The following LMNTD2 variants were observed in gnomAD, a reference collection of about 807,000 sequenced individuals.
LMNTD2 encodes the protein lamin tail domain containing 2.
A neutral mutation model predicts 70.1 loss-of-function variants in LMNTD2; 83 were observed. That is an observed-to-expected ratio of 1.18 (90% CI 0.99 to 1.42). The LOEUF (loss-of-function observed/expected upper bound fraction) is 1.42, where lower values mean the gene tolerates loss of function less well. Among genes scored for constraint, LMNTD2 ranks in the 40% most tolerant of loss-of-function variants. LMNTD2 has a pLI of 0.00. For missense variants in LMNTD2, 1,153 were observed against 905.9 expected (o/e 1.27, Z -3.50); for synonymous variants, 534 against 406.1 (o/e 1.31, Z -3.79).
chr11:555,354 G>T lies in LMNTD2; in HGVS notation c.1724C>A (p.Ala575Asp), dbSNP rs377072542. The change falls in exon 13 of 14, where the codon GCC (alanine) becomes GAC (aspartate). Residue 575 changes from alanine to aspartate, a missense_variant. By Grantham distance (126) the Ala-to-Asp change is moderately radical (BLOSUM62 -2). Coordinates refer to ENST00000329451, the MANE Select transcript of LMNTD2 (RefSeq NM_173573.3). ...CCGACAGTCCTCCAGGCCCAGCCCG[G>T]CCTCTGCGGGAGGCGACGGCAGGGT... The part of the protein sequence containing the change: ...DPTLPSPPAE[A>D]GLGLEDCRLQ... 6.3e-6 allele frequency: 9 copies of T among 1,423,454 alleles called. No homozygotes were observed. The highest frequency in any genetic ancestry group is 7.3e-6 in the Non-Finnish European group (8 of 1,091,814). The allele number at this position is 1,423,454 out of a possible 1,614,324, so 88.2% of individuals were successfully genotyped here. A position where few individuals can be genotyped will look rare whatever the true frequency, so the allele number is the denominator to read the frequency against.
At chr11:560,608 C>T (rs1378386587) in intron 1 of LMNTD2, 75 bp downstream of exon 1, 6 of 1,317,582 alleles carry the variant, frequency 4.6e-6, no homozygotes, top group Non-Finnish European at 5.9e-6. Context: ...AAGCCAGAGA[C>T]CCTTCCTGGG....
Position 554,919 on chromosome 11 carries a change from C to G in LMNTD2, c.*61G>C. On this transcript the variant is annotated 3_prime_UTR_variant, in exon 14 of 14. Transcript: ENST00000329451. ...CAATAAATGATGCAGCGGACACAGC[C>G]CGCCCAGCCCCGGCGCCCGCCCGCG... is the stretch of plus-strand genomic sequence containing the variant. 7.9e-7 allele frequency: 1 copy of G among 1,259,920 alleles called. No individual in the cohort carries two copies. The highest frequency in any genetic ancestry group is 1.1e-6 in the Non-Finnish European group (1 of 944,854). 78.0% of individuals were successfully genotyped at this position (1,259,920 alleles called of 1,614,324 possible).
Position 556,053 on chromosome 11 carries a change from G to T in LMNTD2, c.1320C>A (p.Pro440=), listed in dbSNP as rs746186023. Residue 440 remains proline (P), a synonymous_variant, in exon 11 of 14, where the codon CCC becomes CCA. Coordinates refer to ENST00000329451, the MANE Select transcript of LMNTD2 (RefSeq NM_173573.3). ...AGCCGCGGATGGAGAGGAGGGGAAC[G>T]GGCTCCCGGCTCGAGGACGCGCGCA... The part of the protein sequence containing the change: ...KPLRASSSRE[P]VPLLSIRGCA... The T allele has an allele frequency of 6.4e-7, 1 of 1,551,716 alleles. No homozygotes were observed. The highest frequency in any genetic ancestry group is 8.6e-7 in the Non-Finnish European group (1 of 1,159,554).
chr11:556,711 G>C, intron 8 of LMNTD2, 123 bp from the exon 9 acceptor site: 1 of 1,418,092 alleles, frequency 7.1e-7, no homozygotes. Flanking sequence ...GGGTCAGATG[G>C]GGCAGGAAAG....
intron 3 of LMNTD2, 39 bp downstream of exon 3, chr11:558,575 A>G (rs1257694941): frequency 2.1e-6 from 3 of 1,433,766 alleles, no homozygotes; most frequent in Non-Finnish European, 2.8e-6. Context: ...GGGCGAGGAC[A>G]GGGCGGGGTT....
At chr11:557,714 C>T (rs1170696774) in intron 5 of LMNTD2, 74 bp from the exon 6 acceptor site, 11 of 1,607,372 alleles carry the variant, frequency 6.8e-6, no homozygotes, top group Admixed American at 1.7e-5. Flanking sequence ...TTTGACCTCA[C>T]CTGTGCTTTG....
chr11:556,407 CG>C, intron 9 of LMNTD2, 32 bp from the exon 10 acceptor site: 2 of 1,539,698 alleles, frequency 1.3e-6, no homozygotes, highest in Non-Finnish European at 1.7e-6. Flanking sequence ...TGAGGAGATG[CG>C]GCCGGTCCAC....
At chr11:559,241 C>G (rs1426709556) in intron 1 of LMNTD2, 3 of 1,495,168 alleles carry the variant, frequency 2.0e-6, no homozygotes, top group African/African-American at 1.4e-5. Context: ...CGACATGTCC[C>G]TGGCGTGTAC....
rs749469150 is a variant in LMNTD2 at position 557,414 on chromosome 11, G to A, written c.698C>T (p.Pro233Leu). 3.1e-5 allele frequency: 50 copies of A among 1,605,968 alleles called. No individual in the cohort carries two copies. The highest frequency in any genetic ancestry group is 4.2e-5 in the Non-Finnish European group (49 of 1,176,156). Residue 233 changes from proline to leucine, a missense_variant, in exon 7 of 14, where the codon CCC becomes CTC. By Grantham distance (98) the Pro-to-Leu change is moderately conservative. Coordinates refer to ENST00000329451, the MANE Select transcript of LMNTD2 (RefSeq NM_173573.3). ...RYPNLFTNMEPSSKQKQPRPW... is the reference protein window; with the variant it reads ...RYPNLFTNMELSSKQKQPRPW... ...GTGCAGTTACTTTTGCTTTGAGCTG[G>A]GCTCCATGTTGGTGAAGAGGTTGGG...
chr11:560,344 G>C (rs1853196387), intron 1 of LMNTD2: 1 of 1,137,250 alleles, frequency 8.8e-7, no homozygotes, highest in Admixed American at 4.9e-5. Context: ...GGGTCCAAAA[G>C]GGGCAGGAAG....
rs372775395 is a variant in LMNTD2 at position 558,859 on chromosome 11, G to A, written c.155C>T (p.Pro52Leu). ...HPAPVVCSAD[P>L]QLALESLDPR... The stretch of plus-strand genomic sequence containing the variant: ...CAGTCCTCCCTCTCCTCCTTACTGC[G>A]GGTCGGCAGAGCAGACCACCGGTGC... Residue 52 changes from proline to leucine, a missense_variant, in exon 2 of 14, where the codon CCG (proline) becomes CTG (leucine). By Grantham distance (98) the Pro-to-Leu change is moderately conservative. Coordinates refer to ENST00000329451, the MANE Select transcript of LMNTD2 (RefSeq NM_173573.3). 31 of 1,601,348 alleles carry A rather than the reference G, an allele frequency of 1.9e-5. No individual in the cohort carries two copies. The highest frequency in any genetic ancestry group is 1.2e-4 in the African/African-American group (9 of 74,676).
chr11:555,947 T>C lies in LMNTD2; in HGVS notation c.1378-17A>G. 2 of 1,548,810 alleles carry C rather than the reference T, an allele frequency of 1.3e-6. No individual in the cohort carries two copies. Among genetic ancestry groups the C allele is most frequent in the Non-Finnish European group, 1.7e-6 (2 of 1,155,414 alleles). On this transcript the variant is annotated splice_polypyrimidine_tract_variant and intron_variant, in intron 11 of 13. Coordinates refer to ENST00000329451, the MANE Select transcript of LMNTD2 (RefSeq NM_173573.3). ...ACTGAGGACCTGCGGGGCGCGTCGG[T>C]CACCCCCACACCCCAGCCCCGGCCG...
At position 555,742 on chromosome 11, in the gene LMNTD2, C is replaced by T. The variant is rs1200155269; in HGVS notation, c.1566G>A (p.Arg522=). ...GRVREPRVSR[R]RPGTRGLLPP... is the part of the protein sequence containing the mutation. ...GGACCCGCGGTCCCCACCCTGGTCTCCGGCGACTGACCCGGGGCTCCCGCA... is the reference window on the plus strand; with the variant it reads ...GGACCCGCGGTCCCCACCCTGGTCTTCGGCGACTGACCCGGGGCTCCCGCA... Residue 522 remains arginine, a synonymous_variant, in exon 12 of 14, where the codon CGG becomes CGA. Transcript: ENST00000329451. 1 of 1,408,342 alleles carries T rather than the reference C, an allele frequency of 7.1e-7. No individual in the cohort carries two copies. Among genetic ancestry groups the T allele is most frequent in the South Asian group, 1.6e-5 (1 of 64,440 alleles). 87.2% of individuals were successfully genotyped at this position (1,408,342 alleles called of 1,614,324 possible). A position where few individuals can be genotyped will look rare whatever the true frequency, so the allele number is the denominator to read the frequency against.
At chr11:555,206 GGGGAGGGGACGAGGAGACAGAGGGGA>G in intron 13 of LMNTD2, 73 bp downstream of exon 13, 1 of 542,268 alleles carries the variant, frequency 1.8e-6, no homozygotes, top group Non-Finnish European at 2.4e-6. Flanking sequence ...GGAGAGCGGA[GGGGAGGGGACGAGGAGACAGAGGGGA>G]GGGAGGGGCG....
chr11:556,317 T>G lies in LMNTD2; in HGVS notation c.1132A>C (p.Asn378His). 1 of 1,535,726 alleles carries G rather than the reference T, an allele frequency of 6.5e-7. No individual in the cohort carries two copies. The highest frequency in any genetic ancestry group is 8.7e-7 in the Non-Finnish European group (1 of 1,146,664). ...TCGGCCGTGCTCTCCTGCGACGGGT[T>G]GAAGATGCGGACGAACTTCTCCCGG... is the stretch of plus-strand genomic sequence containing the variant. ...SCREKFVRIFNPSQESTADLS... is the reference protein window; with the variant it reads ...SCREKFVRIFHPSQESTADLS... The change falls in exon 10 of 14, where the codon AAC becomes CAC. Residue 378 changes from asparagine (N) to histidine (H), a missense_variant. Coordinates refer to ENST00000329451, the MANE Select transcript of LMNTD2 (RefSeq NM_173573.3).
chr11:556,692 G>C, intron 8 of LMNTD2, 104 bp from the exon 9 acceptor site: 1 of 1,410,286 alleles, frequency 7.1e-7, no homozygotes, highest in Non-Finnish European at 9.3e-7. Context: ...GGGGCAGGGA[G>C]CAGGGCCAGG....
intron 13 of LMNTD2, 94 bp from the exon 14 acceptor site, chr11:555,205 A>AGGGGC (rs1852750186): frequency 6.4e-5 from 28 of 438,216 alleles, no homozygotes; most frequent in Admixed American, 3.9e-4. Context: ...AGGAGAGCGG[A>AGGGGC]GGGGAGGGGA....
Position 558,029 on chromosome 11 carries a change from T to A in LMNTD2, c.410A>T (p.His137Leu). The part of the protein sequence containing the change: ...QKERAQWEKE[H>L]LEERLLQTTR... ...GGTCTGCAGCAGCCGCTCCTCCAGG[T>A]GCTCCTTCTCCTGCTCCGAGAGGGC... is the stretch of plus-strand genomic sequence containing the variant. Residue 137 changes from histidine (H) to leucine (L), a missense_variant, in exon 5 of 14, where the codon CAC becomes CTC. His to Leu is a moderately conservative substitution (Grantham distance 99). Transcript: ENST00000329451. 1 of 1,579,326 alleles carries A rather than the reference T, an allele frequency of 6.3e-7. No homozygotes were observed. The highest frequency in any genetic ancestry group is 8.6e-7 in the Non-Finnish European group (1 of 1,160,702).
chr11:555,379 TG>T lies in LMNTD2; in HGVS notation c.1698del (p.Thr567ProfsTer105). The T allele has an allele frequency of 2.9e-6, 4 of 1,402,440 alleles. No individual in the cohort carries two copies. Among genetic ancestry groups the T allele is most frequent in the Non-Finnish European group, 1.9e-6 (2 of 1,080,978 alleles). 86.9% of individuals were successfully genotyped at this position (1,402,440 alleles called of 1,614,324 possible). On this transcript the variant is annotated frameshift_variant, in exon 13 of 14. Transcript: ENST00000329451. LOFTEE classifies it high-confidence loss of function. The stretch of plus-strand genomic sequence containing the variant: ...GCCTCTGCGGGAGGCGACGGCAGGG[TG>T]GGGTCACCCGGGATGGCGGGCAGGT... The part of the protein sequence containing the change: ...PQHLPAIPGD[P>X]TLPSPPAEAG...
Sources: gnomAD v4.1 joint callset for allele counts on GRCh38, gnomAD v4.1.1 for gene constraint, MANE v1.5 for transcripts, NCBI Gene and HGNC (gene_info 2026-07-23, HGNC 2026-07-21) for gene names.